Variants in UBTD1 observed in about 807,000 individuals in gnomAD.
UBTD1 encodes the protein ubiquitin domain-containing protein 1.
Under a neutral mutation model 21.7 loss-of-function variants are expected in UBTD1, and 19 were observed. That is an observed-to-expected ratio of 0.87 (90% confidence interval 0.61 to 1.28). The LOEUF (loss-of-function observed/expected upper bound fraction) is 1.28, where lower values mean the gene tolerates loss of function less well. Among genes scored for constraint, UBTD1 ranks in the 50% most tolerant of loss-of-function variants. UBTD1 has a pLI of 0.00. For missense variants in UBTD1, 282 were observed against 315.1 expected (o/e 0.89, Z 0.80); for synonymous variants, 116 against 135.1 (o/e 0.86, Z 0.98).
chr10:97,536,239 G>C (rs1193454435), intron 1 of UBTD1, among the ~76,000 whole-genome samples: 1 of 151,944 alleles, frequency 6.6e-6, no homozygotes, highest in Admixed American at 6.6e-5. Context: ...TGATCCATCC[G>C]CCTCCGCCTC....
At chr10:97,510,485 G>A (rs965711958) in intron 1 of UBTD1, among the ~76,000 whole-genome samples, 7 of 152,150 alleles carry the variant, frequency 4.6e-5, no homozygotes, top group African/African-American at 1.4e-4. Flanking sequence ...GGAGATAACA[G>A]TATCTACTCC....
chr10:97,524,960 G>T (rs2040481749), intron 1 of UBTD1, among the ~76,000 whole-genome samples: 2 of 152,212 alleles, frequency 1.3e-5, no homozygotes, highest in African/African-American at 4.8e-5. Context: ...AGAAATGTCT[G>T]CCTGGGCTGT....
intron 1 of UBTD1, among the ~76,000 whole-genome samples, chr10:97,511,431 C>T (rs1418095001): frequency 1.3e-5 from 2 of 152,166 alleles, no homozygotes; most frequent in African/African-American, 4.8e-5. Context: ...AAAGGACTCC[C>T]TGGGCCCTAA....
chr10:97,569,687 T>A (rs964821410), intron 2 of UBTD1, among the ~76,000 whole-genome samples: 2 of 152,058 alleles, frequency 1.3e-5, no homozygotes, highest in African/African-American at 4.8e-5. Flanking sequence ...CTGGTTCAGG[T>A]TTTGGTGAGG....
intron 1 of UBTD1, among the ~76,000 whole-genome samples, chr10:97,518,210 C>T: frequency 6.6e-6 from 1 of 152,084 alleles, no homozygotes; most frequent in East Asian, 1.9e-4. Context: ...ATCTTGGGGC[C>T]CACAGAGCTG....
chr10:97,536,388 C>A (rs1018385892), intron 1 of UBTD1, among the ~76,000 whole-genome samples: 1 of 152,112 alleles, frequency 6.6e-6, no homozygotes, highest in South Asian at 2.1e-4. Flanking sequence ...AGTGGTGGCA[C>A]GGCTGGTCAG....
At chr10:97,511,686 G>A (rs1055077600) in intron 1 of UBTD1, among the ~76,000 whole-genome samples, 1 of 151,840 alleles carries the variant, frequency 6.6e-6, no homozygotes, top group Non-Finnish European at 1.5e-5. Context: ...TAGTGAAAGC[G>A]CTCTGTTCCC....
chr10:97,565,242 G>A (rs1469249955), intron 1 of UBTD1, among the ~76,000 whole-genome samples: 2 of 152,150 alleles, frequency 1.3e-5, no homozygotes, highest in East Asian at 1.9e-4. Flanking sequence ...TGTGCCAACT[G>A]TAGCTTTATA....
At chr10:97,501,126 C>T (rs1382506974) in intron 1 of UBTD1, among the ~76,000 whole-genome samples, 2 of 152,206 alleles carry the variant, frequency 1.3e-5, no homozygotes, top group African/African-American at 2.4e-5. Context: ...TGCCACCCTA[C>T]TTTGTACCCT....
intron 1 of UBTD1, among the ~76,000 whole-genome samples, chr10:97,527,084 T>C (rs2135666884): frequency 6.7e-6 from 1 of 148,574 alleles, no homozygotes; most frequent in Middle Eastern, 3.6e-3. Context: ...GGCATGAGAA[T>C]TGCTTGAACC....
chr10:97,532,126 G>A (rs1342729717), intron 1 of UBTD1, among the ~76,000 whole-genome samples: 1 of 152,144 alleles, frequency 6.6e-6, no homozygotes, highest in Non-Finnish European at 1.5e-5. Flanking sequence ...GTAGATAGTG[G>A]GGGGCTGACT....
chr10:97,569,759 G>T (rs1389093303), intron 2 of UBTD1, among the ~76,000 whole-genome samples: 1 of 152,078 alleles, frequency 6.6e-6, no homozygotes, highest in Admixed American at 6.6e-5. Flanking sequence ...GGAGCGAGTG[G>T]AGAGTGAGAT....
intron 1 of UBTD1, among the ~76,000 whole-genome samples, chr10:97,559,614 C>T (rs1279828093): frequency 6.6e-6 from 1 of 152,058 alleles, no homozygotes; most frequent in Non-Finnish European, 1.5e-5. Context: ...TAATATTAAA[C>T]TTAATTTTAA....
intron 1 of UBTD1, among the ~76,000 whole-genome samples, chr10:97,534,918 C>T (rs921636196): frequency 6.6e-6 from 1 of 152,248 alleles, no homozygotes; most frequent in Admixed American, 6.5e-5. Context: ...AAGCGGCACT[C>T]AGCCAGCCTT....
chr10:97,525,140 A>G (rs1025987879), intron 1 of UBTD1, among the ~76,000 whole-genome samples: 4 of 152,226 alleles, frequency 2.6e-5, no homozygotes, highest in Admixed American at 6.5e-5. Context: ...TCCTTGGGAA[A>G]CATCTGTGTG....
intron 1 of UBTD1, among the ~76,000 whole-genome samples, chr10:97,546,606 A>G (rs2040612008): frequency 6.7e-6 from 1 of 148,454 alleles, no homozygotes; most frequent in Admixed American, 6.7e-5. Context: ...AAAAAAAAAA[A>G]GCTGACAGAA....
intron 1 of UBTD1, among the ~76,000 whole-genome samples, chr10:97,541,751 T>TTTTTTTTA (rs2040588163): frequency 6.7e-6 from 1 of 149,148 alleles, no homozygotes; most frequent in South Asian, 2.1e-4. Context: ...TTTTTTTTTT[T>TTTTTTTTA]GAGATGCAAT....
In UBTD1 at chr10:97,545,498, G is replaced by A. The variant is rs185899814; in HGVS notation, c.71-22416G>A. On this transcript the variant is annotated intron_variant, in intron 1 of 2. Transcript: ENST00000370664. ...TTGGTGCTAGGACATCGCCTGGGCTGTTAGGTGATTTGTTCTGTGTAATAA... is the reference window on the plus strand; with the variant it reads ...TTGGTGCTAGGACATCGCCTGGGCTATTAGGTGATTTGTTCTGTGTAATAA... Among the ~76,000 whole-genome samples the A allele has an allele frequency of 9.2e-4, 140 of 152,046 alleles. 3 individuals are homozygous for A. Among genetic ancestry groups the A allele is most frequent in the African/African-American group, 3.3e-3 (136 of 41,468 alleles).
intron 1 of UBTD1, among the ~76,000 whole-genome samples, chr10:97,542,280 A>G (rs2040590718): frequency 6.6e-6 from 1 of 152,106 alleles, no homozygotes; most frequent in Non-Finnish European, 1.5e-5. Flanking sequence ...GCCCCGAGTT[A>G]TGGTGGCAGC....
Sources: gnomAD v4.1 joint callset for allele counts (sites outside exome capture counted in the v4.1 genomes callset) on GRCh38, gnomAD v4.1.1 for gene constraint, MANE v1.5 for transcripts, NCBI Gene and HGNC (gene_info 2026-07-23, HGNC 2026-07-21) for gene names.